The following ADGRA3 variants were observed in gnomAD, a reference collection of about 807,000 sequenced individuals.
ADGRA3 encodes the protein adhesion G protein-coupled receptor A3.
A neutral mutation model predicts 119.8 loss-of-function variants in ADGRA3; 56 were observed. The observed-to-expected ratio is 0.47, with a 90% CI of 0.38 to 0.58. The LOEUF (loss-of-function observed/expected upper bound fraction) is 0.58, where lower values mean the gene tolerates loss of function less well. ADGRA3 is among the 20% of genes least tolerant of loss of function. The pLI is 0.00. For missense variants in ADGRA3, 1,516 were observed against 1,649.0 expected (o/e 0.92, Z 1.40); for synonymous variants, 607 against 623.8 (o/e 0.97, Z 0.40).
At chr4:22,490,829 CA>C (rs1482124852) in intron 1 of ADGRA3, among the ~76,000 whole-genome samples, 1 of 152,164 alleles carries the variant, frequency 6.6e-6, no homozygotes, top group East Asian at 1.9e-4. Context: ...TGCTGTGTAA[CA>C]AGTTACCACT....
intron 14 of ADGRA3, among the ~76,000 whole-genome samples, chr4:22,406,992 C>A (rs1263945926): frequency 6.6e-6 from 1 of 152,142 alleles, no homozygotes; most frequent in Admixed American, 6.6e-5. Flanking sequence ...GAATATAAGG[C>A]CGGGCGCAGT....
intron 1 of ADGRA3, among the ~76,000 whole-genome samples, chr4:22,505,144 T>C (rs1719192185): frequency 6.6e-6 from 1 of 152,088 alleles, no homozygotes; most frequent in Non-Finnish European, 1.5e-5. Context: ...TGAAAAATCT[T>C]GGCTAGAACT....
chr4:22,419,755 T>G (rs891515500), intron 12 of ADGRA3, among the ~76,000 whole-genome samples: 12 of 151,252 alleles, frequency 7.9e-5, no homozygotes, highest in Admixed American at 7.3e-4. Context: ...ATGTTTGTGG[T>G]TTTTTTGTTT....
chr4:22,442,989 C>T, intron 6 of ADGRA3, 126 bp from the exon 7 acceptor site: 2 of 753,818 alleles, frequency 2.7e-6, no homozygotes, highest in Non-Finnish European at 4.5e-6. Context: ...AATCAGCATG[C>T]TACTGCTAGT....
At chr4:22,414,166 A>G (rs748318134) in intron 12 of ADGRA3, 8 of 209,080 alleles carry the variant, frequency 3.8e-5, no homozygotes, top group Non-Finnish European at 6.6e-5. Flanking sequence ...TTTTACAATG[A>G]TAAAATATGA....
rs149523013 is a variant in ADGRA3, at chr4:22,417,946, T to A, written c.1809+2940A>T. Among the ~76,000 whole-genome samples, 88 of 152,248 alleles carry A rather than the reference T, an allele frequency of 5.8e-4. 1 individual carries two copies. The highest frequency in any genetic ancestry group is 1.9e-3 in the African/African-American group (77 of 41,546). On this transcript the variant is annotated intron_variant, in intron 12 of 18. Coordinates refer to ENST00000334304, the MANE Select transcript of ADGRA3 (RefSeq NM_145290.4). ...CTGGGATGTGTAAAGAAAAACTGAT[T>A]TCTAAATTCTAGTCAGGTGAAGTAT...
rs181667369 is a variant in ADGRA3 at position 22,447,415 on chromosome 4, A to G, written c.545+25T>C. 3,989 of 1,356,156 alleles carry G rather than the reference A, an allele frequency of 2.9e-3. 9 individuals are homozygous for G. The highest frequency in any genetic ancestry group is 3.4e-3 in the Non-Finnish European group (3,350 of 988,004). The allele number at this position is 1,356,156 out of a possible 1,614,324, so 84.0% of individuals were successfully genotyped here. A position where few individuals can be genotyped will look rare whatever the true frequency, so the allele number is the denominator to read the frequency against. Reference sequence around the variant, plus strand: ...AAAAGACATGAAAATCAAAAAAAAAAAGAGAGAAAAAAATTCTTACTTACA... The same window carrying G: ...AAAAGACATGAAAATCAAAAAAAAAGAGAGAGAAAAAAATTCTTACTTACA... On this transcript the variant is annotated intron_variant, in intron 5 of 18. Coordinates refer to ENST00000334304, the MANE Select transcript of ADGRA3 (RefSeq NM_145290.4).
intron 16 of ADGRA3, among the ~76,000 whole-genome samples, chr4:22,400,931 G>A (rs1714608361): frequency 6.6e-6 from 1 of 152,052 alleles, no homozygotes; most frequent in Admixed American, 6.6e-5. Flanking sequence ...TATTTATGCT[G>A]CAAGAAGACT....
rs1014026369 is a variant in ADGRA3, at chr4:22,451,157, G to A, written c.474-3646C>T. On this transcript the variant is annotated intron_variant, in intron 4 of 18. Coordinates refer to ENST00000334304, the MANE Select transcript of ADGRA3 (RefSeq NM_145290.4). ...TATTTATATACAAATATATACACAT[G>A]TTTTCATATAAAGGAAATTGTAAAG... Among the ~76,000 whole-genome samples, 5 of 151,200 alleles carry A rather than the reference G, an allele frequency of 3.3e-5. No homozygotes were observed. In the East Asian group the frequency reaches 9.7e-4, roughly 29 times the overall value.
intron 10 of ADGRA3, among the ~76,000 whole-genome samples, chr4:22,430,512 G>C (rs550646775): frequency 1.3e-5 from 2 of 152,294 alleles, no homozygotes; most frequent in South Asian, 4.1e-4. Flanking sequence ...TTGAACTTGA[G>C]AGAGATGATT....
At position 22,447,503 on chromosome 4, in the gene ADGRA3, G is replaced by A. The variant is rs994379710; in HGVS notation, c.482C>T (p.Ser161Leu). The change falls in exon 5 of 19, where the codon TCG becomes TTG. Residue 161 changes from serine to leucine, a missense_variant. Coordinates refer to ENST00000334304, the MANE Select transcript of ADGRA3 (RefSeq NM_145290.4). ...GLTNLVRLNL[S>L]GNLFSSLSQG... ...AGATAATGAAGAAAACAAATTCCCC[G>A]AAAGGTTTCTGAAAGACAGAAAACA... 1.9e-6 allele frequency: 3 copies of A among 1,563,724 alleles called. No homozygotes were observed. The highest frequency in any genetic ancestry group is 1.9e-5 in the Admixed American group (1 of 53,646).
chr4:22,497,056 G>C (rs1718853520), intron 1 of ADGRA3, among the ~76,000 whole-genome samples: 1 of 152,148 alleles, frequency 6.6e-6, no homozygotes, highest in African/African-American at 2.4e-5. Context: ...TATAACTTTT[G>C]GGGCGAATCA....
chr4:22,461,960 G>C (rs1717478432), intron 2 of ADGRA3, 152 bp from the exon 3 acceptor site: 1 of 454,448 alleles, frequency 2.2e-6, no homozygotes, highest in Non-Finnish European at 4.0e-6. Flanking sequence ...CAACCCAGTA[G>C]TAAAAGGGAG....
chr4:22,453,999 T>A (rs1717158273), intron 4 of ADGRA3, among the ~76,000 whole-genome samples: 1 of 152,108 alleles, frequency 6.6e-6, no homozygotes, highest in Admixed American at 6.5e-5. Context: ...TAGCTGGGAC[T>A]ACAGGCATGT....
At chr4:22,406,636 A>G (rs987968085) in intron 14 of ADGRA3, among the ~76,000 whole-genome samples, 1 of 151,964 alleles carries the variant, frequency 6.6e-6, no homozygotes, top group African/African-American at 2.4e-5. Flanking sequence ...TCGTTTGCCC[A>G]TTTCTTAAAT....
intron 12 of ADGRA3, among the ~76,000 whole-genome samples, chr4:22,419,270 G>A (rs552171812): frequency 1.3e-5 from 2 of 150,706 alleles, no homozygotes; most frequent in African/African-American, 4.9e-5. Flanking sequence ...AGGATGCAAA[G>A]AAAGAGCAAA....
chr4:22,391,295 T>C (rs1421032494), intron 17 of ADGRA3, among the ~76,000 whole-genome samples: 1 of 151,934 alleles, frequency 6.6e-6, no homozygotes, highest in Non-Finnish European at 1.5e-5. Flanking sequence ...TGCCACCCCA[T>C]TTCCCCTCTC....
chr4:22,441,584 T>C (rs890561164), intron 7 of ADGRA3, among the ~76,000 whole-genome samples: 2 of 152,188 alleles, frequency 1.3e-5, no homozygotes, highest in African/African-American at 2.4e-5. Flanking sequence ...GTTCATAGAC[T>C]GTACCTAGCC....
intron 12 of ADGRA3, among the ~76,000 whole-genome samples, chr4:22,418,807 C>T (rs1715533853): frequency 6.6e-6 from 1 of 152,032 alleles, no homozygotes; most frequent in South Asian, 2.1e-4. Context: ...GTTCTGCAGG[C>T]ACCAGGCCTT....
Sources: gnomAD v4.1 joint callset for allele counts (sites outside exome capture counted in the v4.1 genomes callset) on GRCh38, gnomAD v4.1.1 for gene constraint, MANE v1.5 for transcripts, NCBI Gene and HGNC (gene_info 2026-07-23, HGNC 2026-07-21) for gene names.